The following SCFD1 variants were observed in gnomAD, a reference collection of about 807,000 sequenced individuals.
SCFD1 encodes the protein sec1 family domain-containing protein 1.
SCFD1 carries 37 observed loss-of-function variants against 103.2 expected under a neutral mutation model. The ratio of observed to expected loss-of-function variants is 0.36; its 90% CI spans 0.28 to 0.47. SCFD1 has a LOEUF of 0.47. SCFD1 is among the 20% of genes least tolerant of loss of function. The pLI, the probability that SCFD1 is intolerant of heterozygous loss-of-function variation, is 1.00. For missense variants in SCFD1, 639 were observed against 761.2 expected, an observed-to-expected ratio of 0.84 and a Z score of 1.89; for synonymous variants, 264 against 245.0, an observed-to-expected ratio of 1.08 and a Z score of -0.73.
At chr14:30,735,537 T>C in intron 24 of SCFD1, 49 bp from the exon 25 acceptor site, 4 of 1,306,942 alleles carry the variant, frequency 3.1e-6, no homozygotes, top group Non-Finnish European at 4.4e-6. Flanking sequence ...AATGTTTCTT[T>C]TATGATCTTT....
chr14:30,699,461 C>G (rs1201143972), intron 15 of SCFD1, among the ~76,000 whole-genome samples: 1 of 152,086 alleles, frequency 6.6e-6, no homozygotes, highest in African/African-American at 2.4e-5. Flanking sequence ...GAAGAACAGA[C>G]AATAAATGAG....
In SCFD1 at chr14:30,727,899, GA is replaced by G. The variant is rs539675875; in HGVS notation, c.1836+5349del. Among the ~76,000 whole-genome samples the G allele has an allele frequency of 1.2e-3, 182 of 149,514 alleles. 2 individuals are homozygous for G. The highest frequency in any genetic ancestry group is 3.1e-3 in the Admixed American group (47 of 14,942). On this transcript the variant is annotated intron_variant, in intron 23 of 24. Transcript: ENST00000458591. ...GTCTTGTCCACATGTGAGGAAAGAT[GA>G]AAAAAAAACATTAATTCCAAGCTTA...
intron 14 of SCFD1, among the ~76,000 whole-genome samples, chr14:30,681,610 G>A (rs1037712969): frequency 1.3e-5 from 2 of 151,110 alleles, no homozygotes; most frequent in Admixed American, 6.6e-5. Context: ...AAGCTCAATA[G>A]TTATAATGTT....
chr14:30,655,886 G>A (rs1288072567), intron 10 of SCFD1, among the ~76,000 whole-genome samples: 1 of 152,136 alleles, frequency 6.6e-6, no homozygotes, highest in Non-Finnish European at 1.5e-5. Flanking sequence ...TCAGCACTTG[G>A]GGAGGCCAAG....
chr14:30,734,750 C>A lies in SCFD1; in HGVS notation c.1837-40C>A, dbSNP rs185951370. ...TTTCTTGGGAATATTGAATATATTT[C>A]TTGTTACTTGTATCTAAGTTCTGAC... On this transcript the variant is annotated intron_variant, in intron 23 of 24. Transcript: ENST00000458591. 2,778 of 1,409,386 alleles carry A rather than the reference C, an allele frequency of 2.0e-3. 3 individuals carry two copies. Among genetic ancestry groups the A allele is most frequent in the Non-Finnish European group, 2.5e-3 (2,463 of 994,172 alleles). 87.3% of individuals were successfully genotyped at this position (1,409,386 alleles called of 1,614,324 possible).
intron 23 of SCFD1, among the ~76,000 whole-genome samples, chr14:30,727,391 G>C (rs1392596219): frequency 1.3e-5 from 2 of 152,200 alleles, no homozygotes; most frequent in East Asian, 3.8e-4. Flanking sequence ...CTCTACAATA[G>C]ATAAAACCAA....
Position 30,630,523 on chromosome 14 carries a change from T to C in SCFD1, c.179T>C (p.Leu60Pro). Residue 60 changes from leucine (L) to proline (P), a missense_variant, in exon 3 of 25, where the codon CTA (leucine) becomes CCA (proline). Physicochemically the swap from Leu to Pro is moderately conservative, Grantham distance 98. Coordinates refer to ENST00000458591, the MANE Select transcript of SCFD1 (RefSeq NM_016106.4). ...GGCCAAGATATAATCTCTCCTCTGC[T>C]ATCTGTGAAGGAGCTAAGAGACATG... ...RFGQDIISPL[L>P]SVKELRDMGI... 1 of 1,605,386 alleles carries C rather than the reference T, an allele frequency of 6.2e-7. No homozygotes were observed. The highest frequency in any genetic ancestry group is 8.5e-7 in the Non-Finnish European group (1 of 1,172,592).
rs1216324528 is a variant in SCFD1, at chr14:30,673,258, C to G, written c.997C>G (p.Pro333Ala). The G allele has an allele frequency of 1.3e-6, 2 of 1,573,114 alleles. No homozygotes were observed. The highest frequency in any genetic ancestry group is 1.2e-5 in the South Asian group (1 of 86,318). ...AGTTCTTGTGCAATACTGTTTTAGT[C>G]CATTCCCAGAAGTTGCAGAATCAGT... ...DKFWQKHKGS[P>A]FPEVAESVQQ... The change falls in exon 12 of 25, where the codon CCA (proline) becomes GCA (alanine). Residue 333 changes from proline to alanine, a missense_variant and splice_region_variant. Physicochemically the swap from Pro to Ala is conservative, Grantham distance 27 (BLOSUM62 -1). Transcript: ENST00000458591.
At chr14:30,656,103 A>G (rs1405391875) in intron 10 of SCFD1, among the ~76,000 whole-genome samples, 2 of 151,946 alleles carry the variant, frequency 1.3e-5, no homozygotes, top group African/African-American at 2.4e-5. Context: ...TAACAGAGTA[A>G]AGACCCTGTC....
At chr14:30,705,357 A>C (rs1367791402) in intron 17 of SCFD1, among the ~76,000 whole-genome samples, 1 of 152,212 alleles carries the variant, frequency 6.6e-6, no homozygotes, top group Non-Finnish European at 1.5e-5. Context: ...AAAAAGACTA[A>C]ATTATTACAT....
intron 10 of SCFD1, among the ~76,000 whole-genome samples, chr14:30,668,500 A>G (rs1162532190): frequency 6.6e-6 from 1 of 152,214 alleles, no homozygotes; most frequent in African/African-American, 2.4e-5. Flanking sequence ...CAAGGACTTC[A>G]TGACTAAAAC....
intron 10 of SCFD1, among the ~76,000 whole-genome samples, chr14:30,656,192 C>G (rs531576889): frequency 6.6e-6 from 1 of 152,004 alleles, no homozygotes; most frequent in African/African-American, 2.4e-5. Context: ...GTCTGGAGTT[C>G]AGGAAAAAAG....
chr14:30,700,855 T>G (rs1274755832), intron 16 of SCFD1, among the ~76,000 whole-genome samples: 12 of 152,232 alleles, frequency 7.9e-5, no homozygotes, highest in Non-Finnish European at 1.3e-4. Flanking sequence ...GGAAAATAAC[T>G]ATTCTAAACT....
In SCFD1 at chr14:30,711,028, A is replaced by G. The variant is rs147468190; in HGVS notation, c.1629+2963A>G. Among the ~76,000 whole-genome samples the G allele has an allele frequency of 3.7e-3, 564 of 152,348 alleles. 7 individuals carry two copies. Among genetic ancestry groups the G allele is most frequent in the African/African-American group, 0.013 (533 of 41,582 alleles). Reference sequence around the variant, plus strand: ...TAAGTTTTGTGCATCACAAGTATCAACTATCACATAAAACCAGTTGAATGT... The same window carrying G: ...TAAGTTTTGTGCATCACAAGTATCAGCTATCACATAAAACCAGTTGAATGT... On this transcript the variant is annotated intron_variant, in intron 19 of 24. Transcript: ENST00000458591.
chr14:30,716,035 T>G (rs1184343379), intron 20 of SCFD1, 58 bp downstream of exon 20: 2 of 925,808 alleles, frequency 2.2e-6, no homozygotes, highest in East Asian at 5.1e-5. Flanking sequence ...CTGACTAGTA[T>G]GAAAGAGGAT....
intron 23 of SCFD1, among the ~76,000 whole-genome samples, chr14:30,724,072 TAAAAAAAAAAAAA>T (rs59654790): frequency 1.1e-5 from 1 of 91,350 alleles, no homozygotes; most frequent in Non-Finnish European, 1.9e-5. Context: ...ACCAGTATCT[TAAAAAAAAAAAAA>T]AAAAAAAAAA....
At chr14:30,665,663 A>G (rs1887885190) in intron 10 of SCFD1, among the ~76,000 whole-genome samples, 1 of 152,204 alleles carries the variant, frequency 6.6e-6, no homozygotes, top group African/African-American at 2.4e-5. Flanking sequence ...ATGTGCAGAG[A>G]CACACAAAGG....
rs77338971 is a variant in SCFD1, at chr14:30,734,294, T to G, written c.1837-496T>G. ...TGTGATTGGGTTCCAACATTGTAACTGTGACTTTTATTCCTGATGTTGACA... is the reference window on the plus strand; with the variant it reads ...TGTGATTGGGTTCCAACATTGTAACGGTGACTTTTATTCCTGATGTTGACA... On this transcript the variant is annotated intron_variant, in intron 23 of 24. Coordinates refer to ENST00000458591, the MANE Select transcript of SCFD1 (RefSeq NM_016106.4). 4.2e-3 allele frequency among the ~76,000 whole-genome samples: 644 copies of G among 152,276 alleles called. 3 individuals are homozygous for G. The highest frequency in any genetic ancestry group is 7.2e-3 in the Non-Finnish European group (492 of 68,022).
intron 3 of SCFD1, among the ~76,000 whole-genome samples, chr14:30,632,046 G>GAAAAA (rs61645782): frequency 4.0e-4 from 28 of 70,244 alleles, no homozygotes; most frequent in South Asian, 1.6e-3. Context: ...AGATTCTGTT[G>GAAAAA]AAAAAAAAAA....
Sources: allele counts gnomAD v4.1 joint callset (sites outside exome capture counted in the v4.1 genomes callset), GRCh38; gene constraint gnomAD v4.1.1; transcripts MANE v1.5; gene names NCBI Gene and HGNC (gene_info 2026-07-23, HGNC 2026-07-21).